Variants in BORCS5 observed in about 807,000 individuals in gnomAD.
BORCS5 encodes BLOC-1 related complex subunit 5.
A neutral mutation model predicts 22.1 loss-of-function variants in BORCS5; 17 were observed. That is an observed-to-expected ratio of 0.77 (90% CI 0.53 to 1.15). The LOEUF is 1.15. BORCS5 is among the 50% of genes most tolerant of loss of function. The pLI is 0.00. For missense variants in BORCS5, 247 were observed against 253.2 expected (o/e 0.98, Z 0.17); for synonymous variants, 117 against 99.8 (o/e 1.17, Z -1.03).
intron 3 of BORCS5, among the ~76,000 whole-genome samples, chr12:12,450,476 T>C (rs1162320877): frequency 6.6e-6 from 1 of 152,250 alleles, no homozygotes; most frequent in Non-Finnish European, 1.5e-5. Flanking sequence ...AGTTTTTGTT[T>C]TGTAATTGTC....
chr12:12,426,475 G>C (rs759157618), intron 2 of BORCS5, among the ~76,000 whole-genome samples: 4 of 152,172 alleles, frequency 2.6e-5, no homozygotes, highest in Non-Finnish European at 5.9e-5. Context: ...ATGACCTTTG[G>C]AAATACTGTG....
Position 12,401,285 on chromosome 12 carries a change from A to G in BORCS5, c.203-34343A>G, listed in dbSNP as rs371337735. Among the ~76,000 whole-genome samples, 38 of 152,274 alleles carry G rather than the reference A, an allele frequency of 2.5e-4. No homozygotes were observed. The East Asian group carries it at 5.0e-3, about 20-fold the overall frequency. ...TATCGCCTTACTAGCTATATATTAG[A>G]GTTCCTGTTGTTCCACATCCTCAGT... On this transcript the variant is annotated intron_variant, in intron 2 of 3. Coordinates refer to ENST00000314565, the MANE Select transcript of BORCS5 (RefSeq NM_058169.6).
At chr12:12,372,393 A>G (rs932121637) in intron 2 of BORCS5, among the ~76,000 whole-genome samples, 6 of 151,482 alleles carry the variant, frequency 4.0e-5, no homozygotes, top group Admixed American at 3.9e-4. Flanking sequence ...TGCCCAGGCT[A>G]GAGTGCAGTG....
rs754257731 is a variant in BORCS5 at position 12,357,451 on chromosome 12, C to A, written c.-1C>A. The A allele has an allele frequency of 6.2e-7, 1 of 1,609,436 alleles. No individual in the cohort carries two copies. Among genetic ancestry groups the A allele is most frequent in the Admixed American group, 1.7e-5 (1 of 59,878 alleles). ...CTTCTGCTGCCACCGCTGTCGGCAC[C>A]ATGGGCAGTGAGCAGAGCTCCGAGG... On this transcript the variant is annotated 5_prime_UTR_variant, in exon 1 of 4. Transcript: ENST00000314565.
chr12:12,385,095 AATCTT>A (rs1863853327), intron 2 of BORCS5, among the ~76,000 whole-genome samples: 1 of 151,298 alleles, frequency 6.6e-6, no homozygotes, highest in Admixed American at 6.6e-5. Flanking sequence ...GCCATTTTCA[AATCTT>A]ATCTTTTGTT....
intron 3 of BORCS5, among the ~76,000 whole-genome samples, chr12:12,440,233 A>G (rs1942653648): frequency 6.6e-6 from 1 of 152,228 alleles, no homozygotes; most frequent in Admixed American, 6.5e-5. Flanking sequence ...CTCTTGAATG[A>G]AAAGCTTATG....
rs775536852 is a variant in BORCS5 at position 12,384,857 on chromosome 12, C to T, written c.202+23508C>T. Among the ~76,000 whole-genome samples, 28 of 151,192 alleles carry T rather than the reference C, an allele frequency of 1.9e-4. 1 individual carries two copies. Among genetic ancestry groups the T allele is most frequent in the African/African-American group, 6.1e-4 (25 of 41,218 alleles). Reference sequence around the variant, plus strand: ...AACAGGGGCTGGAGCAGCTGGGGGCCGTCTGGGCAGCTCTCTTTATTTGTG... The same window carrying T: ...AACAGGGGCTGGAGCAGCTGGGGGCTGTCTGGGCAGCTCTCTTTATTTGTG... On this transcript the variant is annotated intron_variant, in intron 2 of 3. Coordinates refer to ENST00000314565, the MANE Select transcript of BORCS5 (RefSeq NM_058169.6).
intron 3 of BORCS5, among the ~76,000 whole-genome samples, chr12:12,438,487 A>G (rs907574484): frequency 3.3e-5 from 5 of 152,200 alleles, no homozygotes; most frequent in African/African-American, 1.2e-4. Flanking sequence ...GAGCTGGGGA[A>G]AGTGTTTTGT....
chr12:12,357,603 A>G, intron 1 of BORCS5, 94 bp downstream of exon 1: 2 of 1,361,044 alleles, frequency 1.5e-6, no homozygotes, highest in Non-Finnish European at 2.0e-6. Context: ...TGCGGACGGG[A>G]ACGCACAGAA....
rs185241982 is a variant in BORCS5, at chr12:12,366,248, T to G, written c.202+4899T>G. On this transcript the variant is annotated intron_variant, in intron 2 of 3. Coordinates refer to ENST00000314565, the MANE Select transcript of BORCS5 (RefSeq NM_058169.6). ...TCTTTCAAAACAATATATTGAAGTATTACACAGAGTTCACTATTGTTTCAT... is the reference window on the plus strand; with the variant it reads ...TCTTTCAAAACAATATATTGAAGTAGTACACAGAGTTCACTATTGTTTCAT... Among the ~76,000 whole-genome samples, 250 of 152,372 alleles carry G rather than the reference T, an allele frequency of 1.6e-3. 3 individuals carry two copies. The highest frequency in any genetic ancestry group is 5.8e-3 in the African/African-American group (243 of 41,588).
At chr12:12,417,380 C>T (rs1941996046) in intron 2 of BORCS5, among the ~76,000 whole-genome samples, 2 of 152,180 alleles carry the variant, frequency 1.3e-5, no homozygotes, top group Non-Finnish European at 2.9e-5. Flanking sequence ...TGTGACCTAA[C>T]ATATGGCCTA....
chr12:12,387,240 T>C (rs988907018), intron 2 of BORCS5, among the ~76,000 whole-genome samples: 2 of 151,352 alleles, frequency 1.3e-5, no homozygotes, highest in Non-Finnish European at 1.5e-5. Flanking sequence ...CCATAGACTG[T>C]CTATCCATTT....
At chr12:12,428,257 A>G (rs991750872) in intron 2 of BORCS5, among the ~76,000 whole-genome samples, 4 of 152,220 alleles carry the variant, frequency 2.6e-5, no homozygotes, top group African/African-American at 7.2e-5. Flanking sequence ...CCCACCTGAC[A>G]TCTCAGAATG....
At chr12:12,438,381 C>T (rs56033067) in intron 3 of BORCS5, among the ~76,000 whole-genome samples, 6 of 65,174 alleles carry the variant, frequency 9.2e-5, no homozygotes, top group South Asian at 7.0e-4. Context: ...AAAAAAAAAA[C>T]GAAAAACAAC....
At chr12:12,418,062 C>T (rs183066166) in intron 2 of BORCS5, among the ~76,000 whole-genome samples, 5 of 151,582 alleles carry the variant, frequency 3.3e-5, no homozygotes, top group Admixed American at 1.3e-4. Flanking sequence ...CTCACTCTGT[C>T]GCCCAGGCTG....
At chr12:12,367,870 C>A (rs1456527333) in intron 2 of BORCS5, among the ~76,000 whole-genome samples, 5 of 152,202 alleles carry the variant, frequency 3.3e-5, no homozygotes, top group African/African-American at 1.2e-4. Flanking sequence ...CTTTTTGTCT[C>A]GCAACTAGCT....
At chr12:12,394,022 CAAAAT>C (rs915712168) in intron 2 of BORCS5, among the ~76,000 whole-genome samples, 10 of 151,392 alleles carry the variant, frequency 6.6e-5, no homozygotes, top group Admixed American at 6.6e-4. Context: ...GCTTGGAAAC[CAAAAT>C]AAAATCAATA....
intron 2 of BORCS5, among the ~76,000 whole-genome samples, chr12:12,433,067 C>T (rs1942467032): frequency 6.6e-6 from 1 of 152,158 alleles, no homozygotes; most frequent in African/African-American, 2.4e-5. Flanking sequence ...GGCACAGTGG[C>T]TCATGCCTGT....
At chr12:12,390,067 G>A (rs962740256) in intron 2 of BORCS5, among the ~76,000 whole-genome samples, 4 of 152,138 alleles carry the variant, frequency 2.6e-5, no homozygotes, top group Admixed American at 2.0e-4. Context: ...CTGATAAAAA[G>A]CCATCTTTTC....
Sources: gnomAD v4.1 joint callset for allele counts (sites outside exome capture counted in the v4.1 genomes callset) on GRCh38, gnomAD v4.1.1 for gene constraint, MANE v1.5 for transcripts, NCBI Gene and HGNC (gene_info 2026-07-23, HGNC 2026-07-21) for gene names.